RECQL5: variants seen among roughly 807,000 people sequenced by gnomAD.
The protein encoded by RECQL5 is ATP-dependent DNA helicase Q5.
In RECQL5, 88 loss-of-function variants were observed where a neutral mutation model predicts 103.4. The observed-to-expected ratio is 0.85, with a 90% CI of 0.72 to 1.02. The LOEUF is 1.02. Among genes scored for constraint, RECQL5 ranks in the 50% least tolerant of loss-of-function variants. RECQL5 has a pLI of 0.00. For missense variants in RECQL5, 1,232 were observed against 1,284.3 expected (o/e 0.96, Z 0.62); for synonymous variants, 552 against 507.9 (o/e 1.09, Z -1.17).
At chr17:75,644,685 C>T (rs752676986) in intron 8 of RECQL5, among the ~76,000 whole-genome samples, 42 of 152,154 alleles carry the variant, frequency 2.8e-4, no homozygotes, top group Middle Eastern at 3.4e-3. Context: ...TCCTCCCAAC[C>T]GGGCATGGTG....
Position 75,629,693 on chromosome 17 carries a change from T to C in RECQL5, c.1947+15A>G, listed in dbSNP as rs1307379743. 4 of 1,596,906 alleles carry C rather than the reference T, an allele frequency of 2.5e-6. No homozygotes were observed. Among genetic ancestry groups the C allele is most frequent in the Non-Finnish European group, 3.4e-6 (4 of 1,167,588 alleles). ...TCCTGGTCACAGGTCTGGAGGCCAC[T>C]GGGCCACAGCTCACCGAGTACACAT... On this transcript the variant is annotated intron_variant, in intron 15 of 19. Transcript: ENST00000317905.
chr17:75,666,413 G>A lies in RECQL5; in HGVS notation c.130+15C>T. 1 of 1,613,672 alleles carries A rather than the reference G, an allele frequency of 6.2e-7. No individual in the cohort carries two copies. The highest frequency in any genetic ancestry group is 8.5e-7 in the Non-Finnish European group (1 of 1,179,800). On this transcript the variant is annotated intron_variant, in intron 2 of 19. Coordinates refer to ENST00000317905, the MANE Select transcript of RECQL5 (RefSeq NM_004259.7). ...GCCAGCATAAATTTAAAGGAAGGTAGCTTGGTAATGTTACCTTTTACTACA... is the reference window on the plus strand; with the variant it reads ...GCCAGCATAAATTTAAAGGAAGGTAACTTGGTAATGTTACCTTTTACTACA...
chr17:75,647,574 G>T (rs1251601702), intron 8 of RECQL5: 2 of 1,549,558 alleles, frequency 1.3e-6, no homozygotes, highest in African/African-American at 1.4e-5. Context: ...GACCTGACTT[G>T]CTGGGGACTG....
At chr17:75,629,639 C>T in intron 15 of RECQL5, 69 bp downstream of exon 15, 1 of 1,535,566 alleles carries the variant, frequency 6.5e-7, no homozygotes, top group Non-Finnish European at 8.8e-7. Flanking sequence ...AGAGGTGCAC[C>T]CCTGAGGGCA....
intron 8 of RECQL5, chr17:75,635,676 G>T: frequency 1.8e-6 from 1 of 540,706 alleles, no homozygotes; most frequent in Non-Finnish European, 2.4e-6. Flanking sequence ...ACAAGTGTCA[G>T]TTATGCCTCC....
chr17:75,643,568 C>T (rs1252186451), intron 8 of RECQL5, among the ~76,000 whole-genome samples: 1 of 152,270 alleles, frequency 6.6e-6, no homozygotes, highest in Non-Finnish European at 1.5e-5. Context: ...CGACAGCAGC[C>T]TGGCCCGCTC....
At position 75,627,649 on chromosome 17, in the gene RECQL5, G is replaced by C; in HGVS notation, c.2849C>G (p.Thr950Ser). ...GFARHLSHLL[T>S]QKTSPGRSVK... Reference sequence around the variant, plus strand: ...GCTCCTTCCAGGAGAGGTCTTCTGAGTCAGCAAGTGTGAGAGGTGGCGGGC... The same window carrying C: ...GCTCCTTCCAGGAGAGGTCTTCTGACTCAGCAAGTGTGAGAGGTGGCGGGC... Residue 950 changes from threonine (T) to serine (S), a missense_variant, in exon 19 of 20, where the codon ACT (threonine) becomes AGT (serine). Physicochemically the swap from Thr to Ser is moderately conservative, Grantham distance 58. Coordinates refer to ENST00000317905, the MANE Select transcript of RECQL5 (RefSeq NM_004259.7). The C allele has an allele frequency of 6.2e-7, 1 of 1,612,352 alleles. No homozygotes were observed. The highest frequency in any genetic ancestry group is 1.1e-5 in the South Asian group (1 of 90,872).
chr17:75,632,953 T>G (rs2059246585), intron 8 of RECQL5, among the ~76,000 whole-genome samples: 1 of 152,256 alleles, frequency 6.6e-6, no homozygotes, highest in East Asian at 1.9e-4. Context: ...TTTGAGGGGC[T>G]GCGACCCCAA....
At chr17:75,629,894 T>C (rs1331744933) in intron 14 of RECQL5, 52 bp from the exon 15 acceptor site, 22 of 1,554,216 alleles carry the variant, frequency 1.4e-5, no homozygotes, top group Non-Finnish European at 1.9e-5. Context: ...CCTCCTGACA[T>C]GCCCCACCTA....
intron 8 of RECQL5, 57 bp downstream of exon 8, chr17:75,651,129 C>T (rs1300537954): frequency 1.6e-4 from 252 of 1,613,434 alleles, no homozygotes; most frequent in Non-Finnish European, 2.0e-4. Context: ...TAGGGCGTGC[C>T]GGGGAAGTAA....
intron 7 of RECQL5, among the ~76,000 whole-genome samples, chr17:75,657,304 G>A (rs1296466728): frequency 6.6e-6 from 1 of 152,174 alleles, no homozygotes; most frequent in Non-Finnish European, 1.5e-5. Flanking sequence ...AGGATCACTC[G>A]AGCCCAGGAG....
intron 8 of RECQL5, among the ~76,000 whole-genome samples, chr17:75,641,793 G>A (rs1488191455): frequency 6.6e-6 from 1 of 152,150 alleles, no homozygotes; most frequent in Non-Finnish European, 1.5e-5. Context: ...AGGCCCTAAT[G>A]TCACCTGTAA....
At position 75,661,023 on chromosome 17, in the gene RECQL5, C is replaced by T. The variant is rs370080850; in HGVS notation, c.918G>A (p.Met306Ile). The T allele has an allele frequency of 1.0e-4, 169 of 1,614,086 alleles. No homozygotes were observed. The highest frequency in any genetic ancestry group is 1.3e-4 in the Non-Finnish European group (157 of 1,180,032). Reference sequence around the variant, plus strand: ...CAACAATTACAGGGACCTTCTCCTCCATCCAGTCGTTCTGCACCAGCGTTC... The same window carrying T: ...CAACAATTACAGGGACCTTCTCCTCTATCCAGTCGTTCTGCACCAGCGTTC... ...SERTLVQNDW[M>I]EEKVPVIVAT... is the part of the protein sequence containing the mutation. Residue 306 changes from methionine to isoleucine, a missense_variant, in exon 6 of 20, where the codon ATG becomes ATA. Met to Ile is a conservative substitution (Grantham distance 10). Transcript: ENST00000317905.
chr17:75,665,175 G>GA lies in RECQL5; in HGVS notation c.131-4dup. On this transcript the variant is annotated splice_region_variant and splice_polypyrimidine_tract_variant and intron_variant, in intron 2 of 19. Transcript: ENST00000317905. ...GCACACAAAGACGTCCTTGTTACCT[G>GA]AAAAAATACAAGACAACAATATCTC... 2.5e-6 allele frequency: 4 copies of GA among 1,605,368 alleles called. No individual in the cohort carries two copies. The highest frequency in any genetic ancestry group is 2.2e-5 in the South Asian group (2 of 89,022).
rs1387897897 is a variant in RECQL5 at position 75,627,134 on chromosome 17, C to T, written c.*288G>A. The stretch of plus-strand genomic sequence containing the variant: ...GGGCCACTCTTCCTTCCCCTTCTTC[C>T]AGCAGCAGCTCCACCACCCTCCACC... On this transcript the variant is annotated 3_prime_UTR_variant, in exon 20 of 20. Transcript: ENST00000317905. 6 of 547,546 alleles carry T rather than the reference C, an allele frequency of 1.1e-5. No individual in the cohort carries two copies. Among genetic ancestry groups the T allele is most frequent in the Non-Finnish European group, 1.7e-5 (5 of 286,778 alleles). The allele number at this position is 547,546 out of a possible 1,614,324, so 33.9% of individuals were successfully genotyped here. A position where few individuals can be genotyped will look rare whatever the true frequency, so the allele number is the denominator to read the frequency against.
At position 75,629,098 on chromosome 17, in the gene RECQL5, T is replaced by C; in HGVS notation, c.2325A>G (p.Pro775=). 6.2e-7 allele frequency: 1 copy of C among 1,613,628 alleles called. No individual in the cohort carries two copies. Among genetic ancestry groups the C allele is most frequent in the Non-Finnish European group, 8.5e-7 (1 of 1,179,942 alleles). The change falls in exon 16 of 20, where the codon CCA becomes CCG. Residue 775 remains proline (P), a synonymous_variant. Coordinates refer to ENST00000317905, the MANE Select transcript of RECQL5 (RefSeq NM_004259.7). Reference sequence around the variant, plus strand: ...CCTCTGGGGCTGATGCCAGCAGAGCTGGGCTTTCCACCCTTCGGCAGAAGA... The same window carrying C: ...CCTCTGGGGCTGATGCCAGCAGAGCCGGGCTTTCCACCCTTCGGCAGAAGA... ...ARFFCRRVES[P]ALLASAPEAE...
chr17:75,654,539 A>C (rs2059593606), intron 7 of RECQL5, among the ~76,000 whole-genome samples: 1 of 152,208 alleles, frequency 6.6e-6, no homozygotes, highest in South Asian at 2.1e-4. Context: ...TACCAGGGGA[A>C]AGTTTTTGAA....
chr17:75,649,222 T>C (rs1044817108), intron 8 of RECQL5: 2 of 152,386 alleles, frequency 1.3e-5, no homozygotes, highest in Non-Finnish European at 2.9e-5. Context: ...CATCTCAAGA[T>C]GCCGAGGCCT....
Position 75,662,705 on chromosome 17 carries a change from C to T in RECQL5, c.545G>A (p.Arg182His), listed in dbSNP as rs369553617. Reference sequence around the variant, plus strand: ...AGCCACACAAGGGGCATGTCCCAGGCGGGAGCGCAGGGCACCCAGACGCAA... The same window carrying T: ...AGCCACACAAGGGGCATGTCCCAGGTGGGAGCGCAGGGCACCCAGACGCAA... ...DYLRLGALRS[R>H]LGHAPCVALT... is the part of the protein sequence containing the mutation. The change falls in exon 4 of 20, where the codon CGC becomes CAC. Residue 182 changes from arginine to histidine, a missense_variant. By Grantham distance (29) the Arg-to-His change is conservative. Transcript: ENST00000317905. The T allele has an allele frequency of 5.9e-5, 95 of 1,613,864 alleles. No individual in the cohort carries two copies. The highest frequency in any genetic ancestry group is 3.3e-4 in the Middle Eastern group (2 of 6,084).
Sources: gnomAD v4.1 joint callset for allele counts (sites outside exome capture counted in the v4.1 genomes callset) on GRCh38, gnomAD v4.1.1 for gene constraint, MANE v1.5 for transcripts, NCBI Gene and HGNC (gene_info 2026-07-23, HGNC 2026-07-21) for gene names.